The following G3BP2 variants were observed in gnomAD, a reference collection of about 807,000 sequenced individuals.
The protein encoded by G3BP2 is G3BP stress granule assembly factor 2, also known as ras GTPase-activating protein-binding protein 2.
In G3BP2, 11 loss-of-function variants were observed where a neutral mutation model predicts 56.7. That is an observed-to-expected ratio of 0.19 (90% confidence interval 0.12 to 0.32). G3BP2 has a LOEUF of 0.32. Ranked by LOEUF, G3BP2 falls within the 10% of genes least tolerant of loss-of-function variation. G3BP2 has a pLI of 1.00. For missense variants in G3BP2, 340 were observed against 610.9 expected, an observed-to-expected ratio of 0.56 and a Z score of 4.67; for synonymous variants, 165 against 191.6, an observed-to-expected ratio of 0.86 and a Z score of 1.15.
At chr4:75,656,423 GAAA>G (rs952971968) in intron 5 of G3BP2, among the ~76,000 whole-genome samples, 1 of 151,798 alleles carries the variant, frequency 6.6e-6, no homozygotes, top group Non-Finnish European at 1.5e-5. Flanking sequence ...TCAGTAAAAG[GAAA>G]AAAGTTATAT....
At chr4:75,663,038 C>A (rs999793849) in intron 1 of G3BP2, among the ~76,000 whole-genome samples, 2 of 151,418 alleles carry the variant, frequency 1.3e-5, no homozygotes, top group Non-Finnish European at 2.9e-5. Context: ...TTATGTCTCT[C>A]TTTCTTTCCA....
chr4:75,656,715 C>A (rs528457367), intron 5 of G3BP2, among the ~76,000 whole-genome samples: 45 of 152,190 alleles, frequency 3.0e-4, no homozygotes, highest in Admixed American at 1.3e-3. Flanking sequence ...CTGAGGGGAA[C>A]CTTTTTCCTT....
intron 8 of G3BP2, 25 bp from the exon 9 acceptor site, chr4:75,648,766 T>C (rs762731138): frequency 6.8e-7 from 1 of 1,470,044 alleles, no homozygotes; most frequent in South Asian, 1.2e-5. Flanking sequence ...AAAAAAAACA[T>C]TATAAAAAAC....
intron 9 of G3BP2, among the ~76,000 whole-genome samples, chr4:75,648,124 C>G (rs1475628318): frequency 6.6e-6 from 1 of 151,992 alleles, no homozygotes; most frequent in Non-Finnish European, 1.5e-5. Flanking sequence ...ACGAGTAGGG[C>G]AGATCATGAG....
chr4:75,663,577 C>T (rs955917402), intron 1 of G3BP2, among the ~76,000 whole-genome samples: 2 of 151,998 alleles, frequency 1.3e-5, no homozygotes, highest in African/African-American at 4.8e-5. Flanking sequence ...AATATAATCC[C>T]CAGGGCCAGG....
At chr4:75,720,632 T>C (rs1368268958) in intron 3 of G3BP2, among the ~76,000 whole-genome samples, 1 of 149,998 alleles carries the variant, frequency 6.7e-6, no homozygotes, top group African/African-American at 2.5e-5. Flanking sequence ...CTGTCTCTAC[T>C]AAAAATACAA....
chr4:75,658,781 T>A, intron 3 of G3BP2, 62 bp downstream of exon 3: 1 of 989,928 alleles, frequency 1.0e-6, no homozygotes, highest in East Asian at 2.4e-5. Context: ...ACAAGAAGGC[T>A]ATTTTTTAAA....
intron 3 of G3BP2, among the ~76,000 whole-genome samples, chr4:75,699,383 A>C (rs1351421410): frequency 6.6e-6 from 1 of 152,214 alleles, no homozygotes; most frequent in Non-Finnish European, 1.5e-5. Flanking sequence ...CATCCTCAGC[A>C]CAGTTCTACC....
At chr4:75,656,452 G>A (rs1470617721) in intron 5 of G3BP2, among the ~76,000 whole-genome samples, 1 of 152,046 alleles carries the variant, frequency 6.6e-6, no homozygotes, top group Non-Finnish European at 1.5e-5. Flanking sequence ...CCACAATTTA[G>A]CTTCCTTTGT....
chr4:75,665,424 G>A (rs17000740), intron 1 of G3BP2, among the ~76,000 whole-genome samples: 60,075 of 151,980 alleles, frequency 0.4, 12,864 homozygotes, highest in African/African-American at 0.54. Context: ...AACAACCCTA[G>A]TGCAAAAAGG....
chr4:75,643,528 TG>T lies in G3BP2; in HGVS notation c.*1901del, dbSNP rs1339052682. 1 of 149,684 alleles carries T rather than the reference TG, an allele frequency of 6.7e-6. No homozygotes were observed. Among genetic ancestry groups the T allele is most frequent in the African/African-American group, 2.5e-5 (1 of 40,752 alleles). 9.3% of individuals were successfully genotyped at this position (149,684 alleles called of 1,614,324 possible). ...CCCAAAAATGGAAACTATGAAAATC[TG>T]TGTCCCCAAAATATATGCAATAGTG... On this transcript the variant is annotated 3_prime_UTR_variant, in exon 12 of 12. Coordinates refer to ENST00000359707, the MANE Select transcript of G3BP2 (RefSeq NM_203505.3).
At chr4:75,661,292 T>A (rs1732530968) in intron 2 of G3BP2, among the ~76,000 whole-genome samples, 1 of 152,042 alleles carries the variant, frequency 6.6e-6, no homozygotes, top group Admixed American at 6.6e-5. Context: ...CACACCCGGC[T>A]AATTTTTGTA....
chr4:75,661,867 T>C, intron 2 of G3BP2, 64 bp downstream of exon 2: 1 of 794,884 alleles, frequency 1.3e-6, no homozygotes, highest in Non-Finnish European at 2.2e-6. Flanking sequence ...AAATGCAAAA[T>C]ATATATAGTC....
chr4:75,689,595 T>C (rs570430785), intron 3 of G3BP2, among the ~76,000 whole-genome samples: 1 of 152,358 alleles, frequency 6.6e-6, no homozygotes, highest in South Asian at 2.1e-4. Flanking sequence ...TACTACCATT[T>C]GTTTTCAATG....
Position 75,655,248 on chromosome 4 carries a change from T to TAC in G3BP2, c.546-4_546-3dup. 6.3e-7 allele frequency: 1 copy of TAC among 1,595,328 alleles called. No individual in the cohort carries two copies. The highest frequency in any genetic ancestry group is 8.6e-7 in the Non-Finnish European group (1 of 1,169,518). ...TCCAAAGGCTCCTCTATGCCATTACTACAATAAAATATTTAGTTCACTTTT... is the reference window on the plus strand; with the variant it reads ...TCCAAAGGCTCCTCTATGCCATTACTACACAATAAAATATTTAGTTCACTTTT... On this transcript the variant is annotated splice_polypyrimidine_tract_variant and splice_region_variant and intron_variant, in intron 6 of 11. Transcript: ENST00000359707.
intron 1 of G3BP2, among the ~76,000 whole-genome samples, chr4:75,666,941 A>C (rs1395699509): frequency 1.3e-5 from 2 of 152,174 alleles, no homozygotes; most frequent in Non-Finnish European, 2.9e-5. Context: ...CCTAGTTTAC[A>C]AATTGAGAAG....
At chr4:75,717,201 G>A (rs1719962076) in intron 3 of G3BP2, among the ~76,000 whole-genome samples, 1 of 152,108 alleles carries the variant, frequency 6.6e-6, no homozygotes, top group Non-Finnish European at 1.5e-5. Context: ...TCAGCACTTT[G>A]GGAGGTTGAG....
At chr4:75,703,288 T>C (rs957846120) in intron 3 of G3BP2, among the ~76,000 whole-genome samples, 1 of 152,146 alleles carries the variant, frequency 6.6e-6, no homozygotes, top group African/African-American at 2.4e-5. Context: ...GCTTAAACAG[T>C]GTCTGCACCA....
chr4:75,716,341 T>C (rs958844766), intron 3 of G3BP2, among the ~76,000 whole-genome samples: 4 of 151,300 alleles, frequency 2.6e-5, no homozygotes, highest in African/African-American at 9.7e-5. Flanking sequence ...AGCCAGCTAA[T>C]TTTTTGTATT....
Sources: gnomAD v4.1 joint callset for allele counts (sites outside exome capture counted in the v4.1 genomes callset) on GRCh38, gnomAD v4.1.1 for gene constraint, MANE v1.5 for transcripts, NCBI Gene and HGNC (gene_info 2026-07-23, HGNC 2026-07-21) for gene names.